GLB1: variants seen among roughly 807,000 people sequenced by gnomAD.
GLB1 encodes galactosidase beta 1, also known as beta-galactosidase.
In GLB1, 56 loss-of-function variants were observed where a neutral mutation model predicts 74.0. The observed-to-expected ratio is 0.76, with a 90% CI of 0.61 to 0.94. The LOEUF is 0.94. Ranked by LOEUF, GLB1 falls within the 40% of genes least tolerant of loss-of-function variation. GLB1 has a pLI of 0.00. For synonymous variants in GLB1, 323 were observed against 323.6 expected, an observed-to-expected ratio of 1.00 and a Z score of 0.02; for missense variants, 787 against 845.5, an observed-to-expected ratio of 0.93 and a Z score of 0.86.
intron 1 of GLB1, chr3:33,092,212 C>T: frequency 1.0e-6 from 1 of 985,788 alleles, no homozygotes; most frequent in South Asian, 4.7e-5. Flanking sequence ...AATAGCATCC[C>T]TCAAGGCCTG....
chr3:33,093,973 G>T lies in GLB1; in HGVS notation c.75+3038C>A. The stretch of plus-strand genomic sequence containing the variant: ...TGAAAACAGGTTGACTCTGCAGCTG[G>T]GGAGTGGCAGAGGTTGCTCACTGTG... On this transcript the variant is annotated intron_variant, in intron 1 of 15. Transcript: ENST00000307363. This position sits in a 1 kb window ranked among gnomAD's most constrained non-coding sequence, Gnocchi z 6.0. The T allele has an allele frequency of 6.2e-7, 1 of 1,614,180 alleles. No individual in the cohort carries two copies. Among genetic ancestry groups the T allele is most frequent in the Middle Eastern group, 1.6e-4 (1 of 6,062 alleles).
chr3:32,975,572 A>G, the GLB1 span, among the ~76,000 whole-genome samples: 1 of 152,180 alleles, frequency 6.6e-6, no homozygotes, highest in African/African-American at 2.4e-5. Flanking sequence ...CTATACAAAG[A>G]TGGATTAGTA....
chr3:33,094,282 G>C lies in GLB1; in HGVS notation c.75+2729C>G, dbSNP rs569748103. ...CCTTAGAAAGGACAGTGGCCAAGGA[G>C]AGGTTTCCAGGTCAACTCCGCCTGC... On this transcript the variant is annotated intron_variant, in intron 1 of 15. Coordinates refer to ENST00000307363, the MANE Select transcript of GLB1 (RefSeq NM_000404.4). 4.0e-6 allele frequency: 6 copies of C among 1,514,496 alleles called. No individual in the cohort carries two copies. The African/African-American group carries it at 7.0e-5, about 18-fold the overall frequency. 93.8% of individuals were successfully genotyped at this position (1,514,496 alleles called of 1,614,324 possible).
chr3:33,091,952 A>G, intron 1 of GLB1: 1 of 985,164 alleles, frequency 1.0e-6, no homozygotes, highest in Non-Finnish European at 1.2e-6. Context: ...CCTGGTTTCT[A>G]GCCCCAAATC....
the GLB1 span, among the ~76,000 whole-genome samples, chr3:32,963,579 AC>A: frequency 9.6e-3 from 1,460 of 152,352 alleles, 29 homozygotes; most frequent in African/African-American, 0.033. Flanking sequence ...GATGTTTGTT[AC>A]ATTATTCTTG....
At chr3:33,048,974 G>T (rs1274031968) in intron 9 of GLB1, among the ~76,000 whole-genome samples, 1 of 152,042 alleles carries the variant, frequency 6.6e-6, no homozygotes, top group African/African-American at 2.4e-5. Context: ...GATTATGGCA[G>T]AGGGAGGGGC....
intron 4 of GLB1, among the ~76,000 whole-genome samples, chr3:33,067,085 C>G (rs1486268992): frequency 1.3e-5 from 2 of 151,384 alleles, no homozygotes; most frequent in Non-Finnish European, 2.9e-5. Context: ...TCACTGCAAC[C>G]TCTGCCTCCC....
rs541229318 is a variant in GLB1, at chr3:33,014,368, G to A, written c.1480-58C>T. On this transcript the variant is annotated intron_variant, in intron 14 of 15. Coordinates refer to ENST00000307363, the MANE Select transcript of GLB1 (RefSeq NM_000404.4). ...GGAGGGAAGGAAAAAGGCTTCACAT[G>A]TCTCTGCATTCCAGGGAAATGGGAA... The A allele has an allele frequency of 1.1e-4, 171 of 1,596,462 alleles. 3 individuals carry two copies. The South Asian group carries it at 1.3e-3, about 12-fold the overall frequency.
At chr3:33,055,503 C>A (rs1234481925) in intron 6 of GLB1, among the ~76,000 whole-genome samples, 1 of 145,766 alleles carries the variant, frequency 6.9e-6, no homozygotes, top group Non-Finnish European at 1.5e-5. Flanking sequence ...CTCTGTTGCC[C>A]AGGCTGGAGT....
At chr3:33,002,444 T>A (rs1335126475) in intron 15 of GLB1, among the ~76,000 whole-genome samples, 1 of 149,752 alleles carries the variant, frequency 6.7e-6, no homozygotes, top group Non-Finnish European at 1.5e-5. Context: ...CATAGTCCAT[T>A]GCAGCCTCGA....
chr3:33,087,846 GC>G (rs1027673676), intron 1 of GLB1, among the ~76,000 whole-genome samples: 1 of 148,364 alleles, frequency 6.7e-6, no homozygotes, highest in African/African-American at 2.5e-5. Context: ...GAATATTGAT[GC>G]AAAAATCCTC....
At chr3:33,030,402 A>G (rs1575427681) in intron 10 of GLB1, 1 of 741,664 alleles carries the variant, frequency 1.3e-6, no homozygotes, top group East Asian at 1.3e-4. Flanking sequence ...CAGTACTACA[A>G]GAGAGCAGGT....
At chr3:33,058,636 G>A (rs2125533856) in intron 5 of GLB1, among the ~76,000 whole-genome samples, 1 of 152,240 alleles carries the variant, frequency 6.6e-6, no homozygotes, top group South Asian at 2.1e-4. Context: ...AACAGGAAAA[G>A]TATCCATTAA....
chr3:33,085,735 A>C (rs1197354046), intron 1 of GLB1, among the ~76,000 whole-genome samples: 1 of 152,106 alleles, frequency 6.6e-6, no homozygotes. Flanking sequence ...CAAAATGACA[A>C]GATGACAGGG....
At chr3:33,083,418 G>C (rs1422606876) in intron 1 of GLB1, among the ~76,000 whole-genome samples, 31 of 112,368 alleles carry the variant, frequency 2.8e-4, no homozygotes, top group South Asian at 6.1e-4. Flanking sequence ...AAAAAAAAAA[G>C]TGGGAATAGG....
At position 33,018,485 on chromosome 3, in the gene GLB1, T is replaced by C. The variant is rs202237232; in HGVS notation, c.1310A>G (p.Asn437Ser). The C allele has an allele frequency of 5.5e-4, 886 of 1,613,862 alleles. 4 individuals carry two copies. In the African/African-American group the frequency reaches 8.2e-3, roughly 15 times the overall value. The change falls in exon 13 of 16, where the codon AAT (asparagine) becomes AGT (serine). Residue 437 changes from asparagine (N) to serine (S), a missense_variant. Physicochemically the swap from Asn to Ser is conservative, Grantham distance 46 (BLOSUM62 1). Coordinates refer to ENST00000307363, the MANE Select transcript of GLB1 (RefSeq NM_000404.4). The part of the protein sequence containing the change: ...SNPAPLSSPL[N>S]GVHDRAYVAV... Reference sequence around the variant, plus strand: ...AACATATGCTCGATCGTGGACTCCATTGAGGGGTGAAGAGAGAGGTGCTGG... The same window carrying C: ...AACATATGCTCGATCGTGGACTCCACTGAGGGGTGAAGAGAGAGGTGCTGG...
intron 1 of GLB1, chr3:33,092,774 T>C: frequency 6.5e-7 from 1 of 1,529,250 alleles, no homozygotes; most frequent in Non-Finnish European, 8.8e-7. Flanking sequence ...CAAACCACTC[T>C]GAAGCAGGAT....
At chr3:33,038,095 T>C (rs1466694608) in intron 10 of GLB1, 1 of 147,904 alleles carries the variant, frequency 6.8e-6, no homozygotes. Context: ...GCCATATCTT[T>C]AAAACTTGCT....
chr3:33,031,640 A>AATATATATATATATATATATATAT (rs59839075), intron 10 of GLB1, among the ~76,000 whole-genome samples: 1 of 35,756 alleles, frequency 2.8e-5, no homozygotes, highest in Non-Finnish European at 5.1e-5. Context: ...AAAAAAAAAA[A>AATATATATATATATATATATATAT]ATATATATAT....
Sources: allele counts gnomAD v4.1 joint callset (sites outside exome capture counted in the v4.1 genomes callset), GRCh38; gene constraint gnomAD v4.1.1; non-coding constraint Gnocchi (gnomAD v3.1); transcripts MANE v1.5; gene names NCBI Gene and HGNC (gene_info 2026-07-23, HGNC 2026-07-21).